Variants in PDE10A observed in about 807,000 individuals in gnomAD.
PDE10A encodes phosphodiesterase 10A, also known as cAMP and cAMP-inhibited cGMP 3',5'-cyclic phosphodiesterase 10A.
PDE10A carries 39 observed loss-of-function variants against 97.7 expected under a neutral mutation model. The observed-to-expected ratio is 0.40, with a 90% confidence interval of 0.31 to 0.52. The LOEUF (loss-of-function observed/expected upper bound fraction) is 0.52. Among genes scored for constraint, PDE10A ranks in the 20% least tolerant of loss-of-function variants. The pLI, the probability that PDE10A is intolerant of heterozygous loss-of-function variation, is 0.56. For missense variants in PDE10A, 731 were observed against 1,047.8 expected (o/e 0.70, Z 4.17); for synonymous variants, 371 against 376.8 (o/e 0.98, Z 0.18).
chr6:165,976,321 G>T (rs1178464930), intron 1 of PDE10A, among the ~76,000 whole-genome samples: 1 of 152,082 alleles, frequency 6.6e-6, no homozygotes, highest in Non-Finnish European at 1.5e-5. Flanking sequence ...GTAAAATCAG[G>T]CCTCTCACCA....
chr6:165,642,242 T>C (rs758125431), intron 1 of PDE10A, among the ~76,000 whole-genome samples: 32 of 152,328 alleles, frequency 2.1e-4, no homozygotes, highest in Admixed American at 6.5e-4. Context: ...TGTCTCTTCC[T>C]TGGGGAGATG....
At chr6:165,780,287 C>T (rs925198740) in intron 1 of PDE10A, 12 of 152,302 alleles carry the variant, frequency 7.9e-5, no homozygotes, top group Admixed American at 7.2e-4. Flanking sequence ...TGAACATTTT[C>T]ATATTTAATG....
At chr6:165,593,747 T>A (rs952783614) in intron 1 of PDE10A, among the ~76,000 whole-genome samples, 1 of 152,212 alleles carries the variant, frequency 6.6e-6, no homozygotes, top group Non-Finnish European at 1.5e-5. Flanking sequence ...AAACTATCCA[T>A]CTTGTAAGGA....
At chr6:165,422,672 C>T (rs1788805022) in intron 10 of PDE10A, among the ~76,000 whole-genome samples, 1 of 152,094 alleles carries the variant, frequency 6.6e-6, no homozygotes, top group Non-Finnish European at 1.5e-5. Flanking sequence ...CAGAAATGTA[C>T]TATCTTTGAA....
chr6:165,802,351 A>G (rs1052616260), intron 1 of PDE10A, among the ~76,000 whole-genome samples: 1 of 152,198 alleles, frequency 6.6e-6, no homozygotes, highest in African/African-American at 2.4e-5. Flanking sequence ...ATCCCCTGGC[A>G]TTCTTCAACA....
intron 13 of PDE10A, among the ~76,000 whole-genome samples, chr6:165,402,125 T>G (rs969749018): frequency 6.6e-6 from 1 of 152,200 alleles, no homozygotes; most frequent in African/African-American, 2.4e-5. Context: ...TTGTATGCAT[T>G]ACTTCATGTC....
intron 1 of PDE10A, among the ~76,000 whole-genome samples, chr6:165,869,265 A>C (rs1477491161): frequency 2.0e-5 from 3 of 152,146 alleles, no homozygotes; most frequent in African/African-American, 7.2e-5. Flanking sequence ...CAAAATCAAC[A>C]TACAAAAGTT....
At chr6:165,406,356 T>G (rs572150593) in intron 13 of PDE10A, among the ~76,000 whole-genome samples, 9 of 152,074 alleles carry the variant, frequency 5.9e-5, no homozygotes, top group African/African-American at 1.9e-4. Context: ...GTATTTTTGA[T>G]ATTTCTTAGA....
chr6:165,703,948 A>T (rs1440421915), intron 1 of PDE10A, among the ~76,000 whole-genome samples: 1 of 152,234 alleles, frequency 6.6e-6, no homozygotes, highest in Non-Finnish European at 1.5e-5. Context: ...GAGCTGCAGG[A>T]GTAGCCAAGT....
chr6:165,857,870 T>G (rs1780792212), intron 1 of PDE10A, among the ~76,000 whole-genome samples: 2 of 152,152 alleles, frequency 1.3e-5, no homozygotes, highest in South Asian at 4.1e-4. Flanking sequence ...GTTTTATGCC[T>G]GGAAAAACAA....
intron 1 of PDE10A, among the ~76,000 whole-genome samples, chr6:165,603,630 G>C (rs539009376): frequency 1.1e-4 from 16 of 152,228 alleles, no homozygotes; most frequent in Non-Finnish European, 1.5e-4. Context: ...TCTGGGAGGG[G>C]AGCAGCGTCC....
upstream of PDE10A, among the ~76,000 whole-genome samples, chr6:165,665,605 G>A (rs1790478896): frequency 6.6e-6 from 1 of 152,088 alleles, no homozygotes; most frequent in South Asian, 2.1e-4. Flanking sequence ...GAAGAGCGAT[G>A]GCAGAAATTC....
At position 165,770,163 on chromosome 6, in the gene PDE10A, CAAA is replaced by C. The variant is rs11442419; in HGVS notation, c.-615+217363_-615+217365del. Among the ~76,000 whole-genome samples the C allele has an allele frequency of 6.3e-5, 8 of 127,902 alleles. 1 individual carries two copies. The highest frequency in any genetic ancestry group is 7.7e-5 in the Admixed American group (1 of 12,982). The allele number at this position is 127,902 out of a possible 152,430, so 83.9% of individuals were successfully genotyped here. A position where few individuals can be genotyped will look rare whatever the true frequency, so the allele number is the denominator to read the frequency against. On this transcript the variant is annotated intron_variant, in intron 1 of 19. Coordinates refer to the PDE10A transcript ENST00000366882. ...CGAAAGTAAATCTAATGCAAAAGGG[CAAA>C]AAAAAAAAAAAAGGAGTTAGGTCTT...
At chr6:165,603,181 A>AGT (rs1562621162) in intron 1 of PDE10A, among the ~76,000 whole-genome samples, 1 of 152,254 alleles carries the variant, frequency 6.6e-6, no homozygotes, top group Non-Finnish European at 1.5e-5. Flanking sequence ...ACTCTGCATG[A>AGT]GTAAACGTAC....
At chr6:165,694,233 T>C (rs1320872685) in intron 1 of PDE10A, among the ~76,000 whole-genome samples, 1 of 152,214 alleles carries the variant, frequency 6.6e-6, no homozygotes, top group Non-Finnish European at 1.5e-5. Context: ...GAGAATCCTT[T>C]ATTTTGTTTA....
intron 1 of PDE10A, among the ~76,000 whole-genome samples, chr6:165,600,074 G>C (rs117408894): frequency 1.3e-5 from 2 of 152,064 alleles, no homozygotes; most frequent in East Asian, 3.9e-4. Context: ...TCGCCACACC[G>C]CACCTCACAC....
chr6:165,546,080 T>G (rs943088080), intron 1 of PDE10A, among the ~76,000 whole-genome samples: 2 of 151,948 alleles, frequency 1.3e-5, no homozygotes, highest in African/African-American at 4.8e-5. Context: ...TATTTCACAC[T>G]AAAAAGAAAC....
At chr6:165,333,381 G>C (rs1781454138) in intron 21 of PDE10A, among the ~76,000 whole-genome samples, 1 of 152,188 alleles carries the variant, frequency 6.6e-6, no homozygotes. Flanking sequence ...AGAAATGCTA[G>C]GGCTCAGCAT....
At chr6:165,754,560 T>TTC (rs1012637941) in intron 1 of PDE10A, among the ~76,000 whole-genome samples, 39 of 151,826 alleles carry the variant, frequency 2.6e-4, no homozygotes, top group East Asian at 5.8e-4. Flanking sequence ...AACCAAAAGT[T>TTC]TCTCTCTATA....
Sources: gnomAD v4.1 joint callset for allele counts (sites outside exome capture counted in the v4.1 genomes callset) on GRCh38, gnomAD v4.1.1 for gene constraint, MANE v1.5 for transcripts, NCBI Gene and HGNC (gene_info 2026-07-23, HGNC 2026-07-21) for gene names.